Variants in COL15A1 observed in about 807,000 individuals in gnomAD.
COL15A1 encodes collagen alpha-1(XV) chain.
COL15A1 carries 111 observed loss-of-function variants against 165.9 expected under a neutral mutation model. That is an observed-to-expected ratio of 0.67 (90% confidence interval 0.57 to 0.78). COL15A1 has a LOEUF of 0.78. Ranked by LOEUF, COL15A1 falls within the 30% of genes least tolerant of loss-of-function variation. COL15A1 has a pLI of 0.00. For missense variants in COL15A1, 1,745 were observed against 1,789.7 expected, an observed-to-expected ratio of 0.98 and a Z score of 0.45; for synonymous variants, 659 against 674.8, an observed-to-expected ratio of 0.98 and a Z score of 0.36.
At chr9:98,997,102 C>T in intron 6 of COL15A1, 21 bp downstream of exon 6, 1 of 1,613,870 alleles carries the variant, frequency 6.2e-7, no homozygotes, top group Non-Finnish European at 8.5e-7. Flanking sequence ...ATGCACATGC[C>T]TACGTAGTGG....
intron 35 of COL15A1, among the ~76,000 whole-genome samples, 173 bp downstream of exon 35, chr9:99,056,577 A>G (rs1176769025): frequency 1.3e-5 from 2 of 151,920 alleles, no homozygotes; most frequent in Admixed American, 6.6e-5. Context: ...AAATTCACCC[A>G]CCTAAAGTGT....
intron 39 of COL15A1, among the ~76,000 whole-genome samples, chr9:99,065,662 G>A (rs1196901051): frequency 2.7e-5 from 4 of 147,504 alleles, no homozygotes; most frequent in Admixed American, 6.8e-5. Context: ...GCTTGACCTG[G>A]ACCTCCATCT....
At chr9:98,992,375 G>A (rs895577253) in intron 5 of COL15A1, among the ~76,000 whole-genome samples, 10 of 152,244 alleles carry the variant, frequency 6.6e-5, no homozygotes, top group South Asian at 2.1e-4. Flanking sequence ...GCCCAGGGTC[G>A]GTGGCACCGG....
At chr9:99,053,288 A>G (rs1839621852) in intron 31 of COL15A1, among the ~76,000 whole-genome samples, 1 of 152,138 alleles carries the variant, frequency 6.6e-6, no homozygotes, top group African/African-American at 2.4e-5. Context: ...CTCCCTGATG[A>G]TATCTAGCCC....
At position 98,985,924 on chromosome 9, in the gene COL15A1, G is replaced by A; in HGVS notation, c.460G>A (p.Val154Met). The stretch of plus-strand genomic sequence containing the variant: ...GTCCCAAGAGGCTGCTGCCTTCTCG[G>A]TGCCTGTGATGACCCACAGGTGGAA... ...HVSQEAAAFS[V>M]PVMTHRWNRF... The change falls in exon 3 of 42, where the codon GTG becomes ATG. Residue 154 changes from valine to methionine, a missense_variant. Coordinates refer to ENST00000375001, the MANE Select transcript of COL15A1 (RefSeq NM_001855.5). 1 of 1,613,968 alleles carries A rather than the reference G, an allele frequency of 6.2e-7. No homozygotes were observed. Among genetic ancestry groups the A allele is most frequent in the Non-Finnish European group, 8.5e-7 (1 of 1,180,028 alleles).
In COL15A1 at chr9:98,956,466, T is replaced by A. The variant is rs573451482; in HGVS notation, c.100+12216T>A. ...ATATATACACACATGCATATCCACA[T>A]ACACACATCTGTGTGTGTATGTATA... is the stretch of plus-strand genomic sequence containing the variant. On this transcript the variant is annotated intron_variant, in intron 2 of 41. Coordinates refer to ENST00000375001, the MANE Select transcript of COL15A1 (RefSeq NM_001855.5). Among the ~76,000 whole-genome samples, 8 of 152,354 alleles carry A rather than the reference T, an allele frequency of 5.3e-5. No homozygotes were observed. The East Asian group carries it at 1.5e-3, about 29-fold the overall frequency.
intron 11 of COL15A1, among the ~76,000 whole-genome samples, chr9:99,017,350 T>G (rs1182735292): frequency 6.6e-6 from 1 of 152,138 alleles, no homozygotes; most frequent in Non-Finnish European, 1.5e-5. Flanking sequence ...AAGCTGGAGC[T>G]CTTGAGCTTC....
At chr9:99,064,606 T>C (rs1005466255) in intron 39 of COL15A1, among the ~76,000 whole-genome samples, 1 of 152,042 alleles carries the variant, frequency 6.6e-6, no homozygotes, top group East Asian at 1.9e-4. Context: ...GAAAAGGAAC[T>C]GATGGGAGAA....
chr9:99,022,569 C>G (rs1318394491), intron 13 of COL15A1, among the ~76,000 whole-genome samples: 1 of 152,162 alleles, frequency 6.6e-6, no homozygotes, highest in African/African-American at 2.4e-5. Context: ...TCCTCCTCCT[C>G]TCTTGGGCGA....
intron 26 of COL15A1, among the ~76,000 whole-genome samples, chr9:99,047,003 C>T (rs1839502358): frequency 6.6e-6 from 1 of 152,156 alleles, no homozygotes; most frequent in Non-Finnish European, 1.5e-5. Context: ...ACTTGGAGTG[C>T]CCCAGGCTTA....
At chr9:99,040,660 C>T in intron 23 of COL15A1, 104 bp downstream of exon 23, 1 of 1,588,474 alleles carries the variant, frequency 6.3e-7, no homozygotes, top group Non-Finnish European at 8.6e-7. Flanking sequence ...GACTGAGCTC[C>T]AGGGGCATCT....
At chr9:98,957,102 G>A (rs922305854) in intron 2 of COL15A1, among the ~76,000 whole-genome samples, 7 of 152,202 alleles carry the variant, frequency 4.6e-5, no homozygotes, top group African/African-American at 7.2e-5. Flanking sequence ...CTGATAATCA[G>A]CTGACCTCAA....
chr9:99,030,155 G>A (rs1205259056), intron 16 of COL15A1, among the ~76,000 whole-genome samples: 1 of 152,150 alleles, frequency 6.6e-6, no homozygotes, highest in Non-Finnish European at 1.5e-5. Context: ...ACCACAGTAA[G>A]CCAACATTTT....
rs1250204238 is a variant in COL15A1, at chr9:99,066,978, T to A, written c.3748T>A (p.Tyr1250Asn). 2 of 1,614,094 alleles carry A rather than the reference T, an allele frequency of 1.2e-6. No individual in the cohort carries two copies. Among genetic ancestry groups the A allele is most frequent in the Non-Finnish European group, 1.7e-6 (2 of 1,180,030 alleles). The change falls in exon 40 of 42, where the codon TAC becomes AAC. Residue 1250 changes from tyrosine to asparagine, a missense_variant. Tyr to Asn is a moderately radical substitution (Grantham distance 143). Coordinates refer to ENST00000375001, the MANE Select transcript of COL15A1 (RefSeq NM_001855.5). ...QARAAGLLST[Y>N]RAFLSSHLQD... ...CAGAGCTGCAGGACTGTTGTCCACC[T>A]ACCGAGCATTCTTATCTTCCCATTT...
In COL15A1 at chr9:98,999,857, GTTT is replaced by G. The variant is rs201063548; in HGVS notation, c.953-969_953-967del. 2.8e-3 allele frequency among the ~76,000 whole-genome samples: 375 copies of G among 134,088 alleles called. 1 individual carries two copies. The highest frequency in any genetic ancestry group is 9.6e-3 in the African/African-American group (349 of 36,286). The allele number at this position is 134,088 out of a possible 152,430, so 88.0% of individuals were successfully genotyped here. ...TTCTTTGCTTCAAAAATCCATTTGCGTTTTTTTTTTTTTTTGAGATGGAATCTC... is the reference window on the plus strand; with the variant it reads ...TTCTTTGCTTCAAAAATCCATTTGCGTTTTTTTTTTTTGAGATGGAATCTC... On this transcript the variant is annotated intron_variant, in intron 6 of 41. Transcript: ENST00000375001.
At chr9:98,992,247 C>T (rs1266785254) in intron 5 of COL15A1, among the ~76,000 whole-genome samples, 2 of 152,242 alleles carry the variant, frequency 1.3e-5, no homozygotes, top group African/African-American at 4.8e-5. Context: ...CAAGCCCTGC[C>T]CTGCGGGAAG....
At chr9:98,960,381 G>A (rs1837846678) in intron 2 of COL15A1, among the ~76,000 whole-genome samples, 2 of 152,224 alleles carry the variant, frequency 1.3e-5, no homozygotes, top group African/African-American at 4.8e-5. Context: ...CCCAGCCTGG[G>A]TGACAAAGGG....
chr9:99,060,176 A>T (rs752687166), intron 36 of COL15A1, among the ~76,000 whole-genome samples: 4 of 150,876 alleles, frequency 2.7e-5, no homozygotes, highest in Non-Finnish European at 5.9e-5. Context: ...AAGTTCCACC[A>T]TTCGAATCCT....
chr9:98,997,510 A>G (rs1838568669), intron 6 of COL15A1, among the ~76,000 whole-genome samples: 1 of 152,252 alleles, frequency 6.6e-6, no homozygotes, highest in African/African-American at 2.4e-5. Context: ...ACTATTTTAT[A>G]GGTGGAAAAA....
Sources: allele counts gnomAD v4.1 joint callset (sites outside exome capture counted in the v4.1 genomes callset), GRCh38; gene constraint gnomAD v4.1.1; transcripts MANE v1.5; gene names NCBI Gene and HGNC (gene_info 2026-07-23, HGNC 2026-07-21).